Variants in AKAP12 observed in about 807,000 individuals in gnomAD.
AKAP12 encodes the protein A-kinase anchoring protein 12, also known as A-kinase anchor protein 12.
AKAP12 carries 32 observed loss-of-function variants against 79.9 expected under a neutral mutation model. The ratio of observed to expected loss-of-function variants is 0.40; its 90% confidence interval spans 0.30 to 0.54. The LOEUF is 0.54. Ranked by LOEUF, AKAP12 falls within the 20% of genes least tolerant of loss-of-function variation. AKAP12 has a pLI of 0.48. For synonymous variants in AKAP12, 808 were observed against 857.0 expected (o/e 0.94, Z 1.00); for missense variants, 2,074 against 2,177.0 (o/e 0.95, Z 0.94).
chr6:151,289,153 C>T (rs1776564632), intron 2 of AKAP12, among the ~76,000 whole-genome samples: 2 of 152,154 alleles, frequency 1.3e-5, no homozygotes, highest in Admixed American at 1.3e-4. Context: ...ACCAGAATTG[C>T]TGAAAACATG....
intron 2 of AKAP12, among the ~76,000 whole-genome samples, chr6:151,284,204 A>G (rs1036901924): frequency 3.7e-4 from 56 of 152,146 alleles, no homozygotes; most frequent in Non-Finnish European, 2.1e-4. Context: ...GTCTGCACAG[A>G]TCAGTGTCAC....
intron 3 of AKAP12, chr6:151,348,451 C>T: frequency 3.6e-6 from 2 of 561,524 alleles, no homozygotes; most frequent in Non-Finnish European, 6.7e-6. Flanking sequence ...GCAGCCTGGA[C>T]AACATAGTGA....
chr6:151,352,397 G>C lies in AKAP12; in HGVS notation c.4006G>C (p.Glu1336Gln). 1 of 1,614,182 alleles carries C rather than the reference G, an allele frequency of 6.2e-7. No homozygotes were observed. Among genetic ancestry groups the C allele is most frequent in the South Asian group, 1.1e-5 (1 of 91,088 alleles). ...AKSPPSPVER[E>Q]MVVQVEREKT... ...GTCTCCTCCATCCCCCGTGGAGAGA[G>C]AGATGGTAGTTCAAGTCGAAAGGGA... Residue 1336 changes from glutamate (E) to glutamine (Q), a missense_variant, in exon 4 of 5, where the codon GAG (glutamate) becomes CAG (glutamine). Physicochemically the swap from Glu to Gln is conservative, Grantham distance 29. This residue lies in a region of AKAP12 where 614 missense variants were observed against 665.6 expected (regional missense o/e 0.92). Coordinates refer to ENST00000402676, the MANE Select transcript of AKAP12 (RefSeq NM_005100.4).
At chr6:151,258,576 A>G (rs1797347240) in intron 2 of AKAP12, among the ~76,000 whole-genome samples, 1 of 152,196 alleles carries the variant, frequency 6.6e-6, no homozygotes. Context: ...TTGGCCACAT[A>G]AAGAGGAAGA....
chr6:151,276,967 C>T (rs1776301578), intron 2 of AKAP12, among the ~76,000 whole-genome samples: 2 of 152,166 alleles, frequency 1.3e-5, no homozygotes, highest in South Asian at 2.1e-4. Flanking sequence ...TCTCCACGGG[C>T]ACATAATCAA....
intron 2 of AKAP12, 146 bp downstream of exon 2, chr6:151,240,870 T>G: frequency 1.2e-6 from 1 of 812,468 alleles, no homozygotes; most frequent in Non-Finnish European, 1.6e-6. Context: ...AACCCCTCTT[T>G]GGAGGCTTTT....
Position 151,348,714 on chromosome 6 carries a change from G to T in AKAP12, c.323G>T (p.Gly108Val). 1 of 1,157,858 alleles carries T rather than the reference G, an allele frequency of 8.6e-7. No homozygotes were observed. The highest frequency in any genetic ancestry group is 1.4e-5 in the South Asian group (1 of 70,846). The allele number at this position is 1,157,858 out of a possible 1,614,324, so 71.7% of individuals were successfully genotyped here. ...EEEEVIVTEV[G>V]QRDSEDVSKR... ...CCCCGCCCCTTTTTGTTAATAGTTG[G>T]ACAGAGAGACTCTGAAGATGTGAGC... The change falls in exon 4 of 5, where the codon GGA (glycine) becomes GTA (valine). Residue 108 changes from glycine (G) to valine (V), a missense_variant. Physicochemically the swap from Gly to Val is moderately radical, Grantham distance 109 (BLOSUM62 -3). This residue lies in a region of AKAP12 where 1,428 missense variants were observed against 1,451.0 expected (regional missense o/e 0.98). Coordinates refer to ENST00000402676, the MANE Select transcript of AKAP12 (RefSeq NM_005100.4).
intron 2 of AKAP12, among the ~76,000 whole-genome samples, chr6:151,291,377 C>G (rs1479264812): frequency 6.6e-6 from 1 of 152,136 alleles, no homozygotes; most frequent in African/African-American, 2.4e-5. Flanking sequence ...GGTGAGCTTG[C>G]AGATTGTGCT....
chr6:151,352,510 G>C lies in AKAP12; in HGVS notation c.4119G>C (p.Gln1373His). The C allele has an allele frequency of 6.2e-7, 1 of 1,614,210 alleles. No homozygotes were observed. The highest frequency in any genetic ancestry group is 8.5e-7 in the Non-Finnish European group (1 of 1,180,046). Residue 1373 changes from glutamine to histidine, a missense_variant, in exon 4 of 5, where the codon CAG becomes CAC. This residue lies in a region of AKAP12 where 614 missense variants were observed against 665.6 expected (regional missense o/e 0.92). Transcript: ENST00000402676. ...CCGTATCTGAAGAGGTCAGTAAGCA[G>C]CTCCTCCAGACAGTGAATGTGCCCA... is the stretch of plus-strand genomic sequence containing the variant. ...AVTVSEEVSK[Q>H]LLQTVNVPII... is the part of the protein sequence containing the mutation.
Position 151,350,280 on chromosome 6 carries a change from A to C in AKAP12, c.1889A>C (p.Asp630Ala). ...KKRVRRPSESDKEDELDKVKS... is the reference protein window; with the variant it reads ...KKRVRRPSESAKEDELDKVKS... The stretch of plus-strand genomic sequence containing the variant: ...CGTGTTAGACGGCCTTCGGAAAGTG[A>C]TAAAGAAGATGAGCTGGACAAGGTC... Residue 630 changes from aspartate (D) to alanine (A), a missense_variant, in exon 4 of 5, where the codon GAT becomes GCT. By Grantham distance (126) the Asp-to-Ala change is moderately radical. Coordinates refer to ENST00000402676, the MANE Select transcript of AKAP12 (RefSeq NM_005100.4). This position sits in a 1 kb window ranked among gnomAD's most constrained non-coding sequence, Gnocchi z 4.8. 1 of 1,614,062 alleles carries C rather than the reference A, an allele frequency of 6.2e-7. No homozygotes were observed. The highest frequency in any genetic ancestry group is 8.5e-7 in the Non-Finnish European group (1 of 1,180,024).
At chr6:151,284,893 G>A (rs1257227591) in intron 2 of AKAP12, among the ~76,000 whole-genome samples, 3 of 152,122 alleles carry the variant, frequency 2.0e-5, no homozygotes, top group Non-Finnish European at 4.4e-5. Context: ...ATCAAATGTT[G>A]ACTAACGCAT....
In AKAP12 at chr6:151,353,748, T is replaced by C. The variant is rs543324641; in HGVS notation, c.*8T>C. ...GAACTTACAGAATCTTAAAACATCA[T>C]GCAGGTAAGCTTCCTTGTCTTCTAA... is the stretch of plus-strand genomic sequence containing the variant. On this transcript the variant is annotated 3_prime_UTR_variant, in exon 4 of 5. Transcript: ENST00000402676. 5 of 1,550,258 alleles carry C rather than the reference T, an allele frequency of 3.2e-6. No homozygotes were observed. The East Asian group carries it at 9.1e-5, about 28-fold the overall frequency.
intron 2 of AKAP12, among the ~76,000 whole-genome samples, chr6:151,242,660 A>G (rs1797000725): frequency 1.3e-5 from 2 of 152,180 alleles, no homozygotes. Flanking sequence ...TTAAGCTCCA[A>G]TTCCTGACCT....
intron 2 of AKAP12, among the ~76,000 whole-genome samples, chr6:151,250,848 C>G (rs892149399): frequency 6.6e-6 from 1 of 152,016 alleles, no homozygotes; most frequent in African/African-American, 2.4e-5. Flanking sequence ...CCTCGTGATC[C>G]ACCCGCCTCG....
chr6:151,263,482 T>C (rs1283469801), intron 2 of AKAP12, among the ~76,000 whole-genome samples: 3 of 152,260 alleles, frequency 2.0e-5, no homozygotes, highest in Admixed American at 6.5e-5. Flanking sequence ...CAAAACTGGT[T>C]GTTGAAACAT....
intron 3 of AKAP12, among the ~76,000 whole-genome samples, chr6:151,311,472 G>A (rs1249858379): frequency 6.6e-6 from 1 of 152,156 alleles, no homozygotes; most frequent in Non-Finnish European, 1.5e-5. Flanking sequence ...CTCCCGGTGT[G>A]TGCACGTGGA....
chr6:151,240,333 G>A lies in AKAP12; in HGVS notation c.-179-51G>A, dbSNP rs1262254111. The A allele has an allele frequency of 9.9e-6, 4 of 403,182 alleles. No homozygotes were observed. The East Asian group carries it at 1.2e-4, about 12-fold the overall frequency. 25.0% of individuals were successfully genotyped at this position (403,182 alleles called of 1,614,324 possible). A position where few individuals can be genotyped will look rare whatever the true frequency, so the allele number is the denominator to read the frequency against. On this transcript the variant is annotated intron_variant, in intron 1 of 4. Transcript: ENST00000402676. ...GAAGCGAGGGAAAAACCGGGGGGAG[G>A]GGGGCGGAGGCTAAGAGGTGGCCTT... is the stretch of plus-strand genomic sequence containing the variant.
intron 2 of AKAP12, among the ~76,000 whole-genome samples, chr6:151,241,080 G>C (rs1796964866): frequency 6.6e-6 from 1 of 152,224 alleles, no homozygotes; most frequent in South Asian, 2.1e-4. Flanking sequence ...GCGCGGAGGG[G>C]GATCCGTGGA....
chr6:151,351,916 C>A lies in AKAP12; in HGVS notation c.3525C>A (p.Thr1175=). ...TPTDSETDGS[T]PVADFDAPGT... is the part of the protein sequence containing the mutation. ...CAGACAGTGAGACTGATGGAAGCAC[C>A]CCCGTAGCCGACTTTGACGCACCAG... Residue 1175 remains threonine (T), a synonymous_variant, in exon 4 of 5, where the codon ACC becomes ACA. Transcript: ENST00000402676. The surrounding 1 kb of genome is among the most constrained non-coding windows in gnomAD (Gnocchi z 4.4). The A allele has an allele frequency of 6.2e-7, 1 of 1,614,044 alleles. No homozygotes were observed. Among genetic ancestry groups the A allele is most frequent in the Non-Finnish European group, 8.5e-7 (1 of 1,180,006 alleles).
Sources: gnomAD v4.1 joint callset for allele counts (sites outside exome capture counted in the v4.1 genomes callset) on GRCh38, gnomAD v4.1.1 for gene constraint, gnomAD v4.1.1 regional missense constraint, Gnocchi (gnomAD v3.1) non-coding constraint, MANE v1.5 for transcripts, NCBI Gene and HGNC (gene_info 2026-07-23, HGNC 2026-07-21) for gene names.